The following RUFY2 variants were observed in gnomAD, a reference collection of about 807,000 sequenced individuals.
The protein encoded by RUFY2 is RUN and FYVE domain-containing protein 2.
RUFY2 carries 49 observed loss-of-function variants against 94.4 expected under a neutral mutation model. That is an observed-to-expected ratio of 0.52 (90% confidence interval 0.41 to 0.66). The LOEUF (loss-of-function observed/expected upper bound fraction) is 0.66. Ranked by LOEUF, RUFY2 falls within the 30% of genes least tolerant of loss-of-function variation. The probability of loss-of-function intolerance (pLI) is 0.00; values close to 1 mark genes in which losing one functional copy is unlikely to be tolerated. For missense variants in RUFY2, 541 were observed against 692.8 expected (o/e 0.78, Z 2.46); for synonymous variants, 255 against 235.7 (o/e 1.08, Z -0.75).
chr10:68,351,122 ATTTTTTTTTTT>A (rs71009048), intron 16 of RUFY2, among the ~76,000 whole-genome samples: 1 of 79,000 alleles, frequency 1.3e-5, no homozygotes, highest in African/African-American at 5.4e-5. Context: ...GTATCCATAC[ATTTTTTTTTTT>A]TTTTTTTTTT....
At chr10:68,371,063 C>T (rs779668679) in intron 13 of RUFY2, among the ~76,000 whole-genome samples, 2 of 145,744 alleles carry the variant, frequency 1.4e-5, no homozygotes, top group Non-Finnish European at 3.0e-5. Flanking sequence ...ACCCAGGAGG[C>T]GGAGCTTGCA....
chr10:68,381,188 T>G, intron 11 of RUFY2, 44 bp downstream of exon 11: 1 of 1,488,282 alleles, frequency 6.7e-7, no homozygotes, highest in Non-Finnish European at 9.1e-7. Context: ...CTACAAATAT[T>G]CACTTTCAAT....
intron 12 of RUFY2, chr10:68,378,602 G>A (rs766897949): frequency 1.6e-5 from 25 of 1,611,498 alleles, no homozygotes; most frequent in South Asian, 1.4e-4. Flanking sequence ...CTGGTCCTGC[G>A]TGTCACTGCT....
Position 68,346,038 on chromosome 10 carries a change from C to A in RUFY2, c.1646G>T (p.Cys549Phe), listed in dbSNP as rs1403412386. Residue 549 changes from cysteine to phenylalanine, a missense_variant, in exon 17 of 18, where the codon TGT (cysteine) becomes TTT (phenylalanine). Cys to Phe is a radical substitution (Grantham distance 205, BLOSUM62 -2). This residue lies in a region of RUFY2 where 403 missense variants were observed against 480.7 expected (regional missense o/e 0.84). Transcript: ENST00000602465. ...CTTAGAGAGTGAGAATTCCTTTTCA[C>A]AAAGTTTACAATGTGTTGCTTCTTT... The part of the protein sequence containing the change: ...KDKEATHCKL[C>F]EKEFSLSKRK... 2 of 1,613,786 alleles carry A rather than the reference C, an allele frequency of 1.2e-6. No homozygotes were observed. Among genetic ancestry groups the A allele is most frequent in the Non-Finnish European group, 1.7e-6 (2 of 1,179,936 alleles).
rs185212938 is a variant in RUFY2 at position 68,349,425 on chromosome 10, G to C, written c.1600-3341C>G. Among the ~76,000 whole-genome samples, 582 of 152,216 alleles carry C rather than the reference G, an allele frequency of 3.8e-3. 7 individuals carry two copies. The highest frequency in any genetic ancestry group is 0.012 in the African/African-American group (512 of 41,532). ...GTCCCAGCAACTCAGGAGGCTGAGG[G>C]GGGGAGGATTGCTTGAACCCAGAAG... is the stretch of plus-strand genomic sequence containing the variant. On this transcript the variant is annotated intron_variant, in intron 16 of 17. Coordinates refer to ENST00000602465, the MANE Select transcript of RUFY2 (RefSeq NM_001330103.2).
intron 13 of RUFY2, among the ~76,000 whole-genome samples, chr10:68,365,704 T>A (rs1241241816): frequency 6.6e-6 from 1 of 152,250 alleles, no homozygotes; most frequent in Non-Finnish European, 1.5e-5. Context: ...TTTGTGAACA[T>A]AATTATGCAG....
chr10:68,353,028 C>T (rs1465896511), intron 16 of RUFY2, among the ~76,000 whole-genome samples: 1 of 151,380 alleles, frequency 6.6e-6, no homozygotes, highest in Non-Finnish European at 1.5e-5. Flanking sequence ...TTCAAATAAT[C>T]ATAATAAAAA....
rs1473343482 is a variant in RUFY2, at chr10:68,355,344, T to G, written c.1599+9A>C. 1 of 1,605,646 alleles carries G rather than the reference T, an allele frequency of 6.2e-7. No homozygotes were observed. The highest frequency in any genetic ancestry group is 1.3e-5 in the African/African-American group (1 of 74,682). ...ATACCTTCCCACTTTAGGAAAACGT[T>G]CTACTCACCTGCAATGCTTTGTTGG... On this transcript the variant is annotated intron_variant, in intron 16 of 17. Transcript: ENST00000602465.
At chr10:68,341,426 C>G, downstream of RUFY2, 1 of 1,137,806 alleles carries the variant, frequency 8.8e-7, no homozygotes, top group Non-Finnish European at 1.3e-6. Flanking sequence ...CATTTGACCT[C>G]TATAATGGCT....
chr10:68,345,461 GAA>G lies in RUFY2; in HGVS notation c.*305_*306del. ...AATACCAAATTGACAGAATTCAGAA[GAA>G]AAAAACAATCTGAAGCCTTATTTTT... On this transcript the variant is annotated 3_prime_UTR_variant, in exon 18 of 18. Transcript: ENST00000602465. 1 of 403,960 alleles carries G rather than the reference GAA, an allele frequency of 2.5e-6. No individual in the cohort carries two copies. The highest frequency in any genetic ancestry group is 4.3e-6 in the Non-Finnish European group (1 of 229,972). 25.0% of individuals were successfully genotyped at this position (403,960 alleles called of 1,614,324 possible).
chr10:68,376,483 TATATA>T lies in RUFY2; in HGVS notation c.1325+365_1325+369del, dbSNP rs1418873164. 4.5e-3 allele frequency among the ~76,000 whole-genome samples: 292 copies of T among 64,604 alleles called. 49 individuals are homozygous for T. The highest frequency in any genetic ancestry group is 0.04 in the East Asian group (65 of 1,622). The allele number at this position is 64,604 out of a possible 152,430, so 42.4% of individuals were successfully genotyped here. A position where few individuals can be genotyped will look rare whatever the true frequency, so the allele number is the denominator to read the frequency against. ...ATATATATATATATATATATATATA[TATATA>T]TATTCTCAGAAAACAGCATGTCCTT... On this transcript the variant is annotated intron_variant, in intron 13 of 17. Transcript: ENST00000602465.
Position 68,401,610 on chromosome 10 carries a change from G to A in RUFY2, c.296+10C>T, listed in dbSNP as rs547591587. 19 of 1,533,796 alleles carry A rather than the reference G, an allele frequency of 1.2e-5. No homozygotes were observed. Among genetic ancestry groups the A allele is most frequent in the African/African-American group, 4.1e-5 (3 of 73,442 alleles). ...GTGGCTAGGGATGAACAAGTAATAG[G>A]CCTCCTTACTTCAGACCAGGTAGAT... On this transcript the variant is annotated intron_variant, in intron 3 of 17. Coordinates refer to ENST00000602465, the MANE Select transcript of RUFY2 (RefSeq NM_001330103.2).
intron 16 of RUFY2, chr10:68,346,525 G>C (rs549209085): frequency 6.5e-6 from 1 of 153,850 alleles, no homozygotes; most frequent in South Asian, 2.0e-4. Flanking sequence ...GTATATATTA[G>C]AACATATAAC....
At position 68,398,370 on chromosome 10, in the gene RUFY2, G is replaced by A. The variant is rs527745398; in HGVS notation, c.297-1489C>T. On this transcript the variant is annotated intron_variant, in intron 3 of 17. Coordinates refer to ENST00000602465, the MANE Select transcript of RUFY2 (RefSeq NM_001330103.2). ...TCTATCTGTTATTAAAAATAAAAGT[G>A]GCCTGGCGTGGTGGCTCACGCCTGT... Among the ~76,000 whole-genome samples, 166 of 152,050 alleles carry A rather than the reference G, an allele frequency of 1.1e-3. 1 individual carries two copies. The highest frequency in any genetic ancestry group is 5.9e-4 in the Admixed American group (9 of 15,246).
chr10:68,398,864 T>C (rs879833406), intron 3 of RUFY2, among the ~76,000 whole-genome samples: 1 of 152,168 alleles, frequency 6.6e-6, no homozygotes, highest in Non-Finnish European at 1.5e-5. Context: ...GGTTTTACTA[T>C]TGTAGAGTCT....
chr10:68,393,576 A>C (rs1231600586), intron 6 of RUFY2, among the ~76,000 whole-genome samples: 1 of 152,012 alleles, frequency 6.6e-6, no homozygotes, highest in East Asian at 1.9e-4. Context: ...AAAAATAACA[A>C]AAATTAGCCA....
chr10:68,346,903 G>A (rs546495187), intron 16 of RUFY2, among the ~76,000 whole-genome samples: 6 of 152,310 alleles, frequency 3.9e-5, no homozygotes, highest in Non-Finnish European at 5.9e-5. Context: ...TTAGGAGGCC[G>A]AGGCAGGAGG....
chr10:68,353,572 GGAGGACTGCCC>G (rs1478817835), intron 16 of RUFY2, among the ~76,000 whole-genome samples: 1 of 151,860 alleles, frequency 6.6e-6, no homozygotes, highest in African/African-American at 2.4e-5. Context: ...GGCCAAGACT[GGAGGACTGCCC>G]GAGGACAGGT....
At chr10:68,349,193 A>C (rs879511467) in intron 16 of RUFY2, among the ~76,000 whole-genome samples, 1 of 152,044 alleles carries the variant, frequency 6.6e-6, no homozygotes, top group African/African-American at 2.4e-5. Flanking sequence ...AAATTGGGGG[A>C]TATCACAACA....
Sources: gnomAD v4.1 joint callset for allele counts (sites outside exome capture counted in the v4.1 genomes callset) on GRCh38, gnomAD v4.1.1 for gene constraint, gnomAD v4.1.1 regional missense constraint, MANE v1.5 for transcripts, NCBI Gene and HGNC (gene_info 2026-07-23, HGNC 2026-07-21) for gene names.